PSKH2: variants seen among roughly 807,000 people sequenced by gnomAD.
PSKH2 encodes the protein protein serine kinase H2.
In PSKH2, 16 loss-of-function variants were observed where a neutral mutation model predicts 22.5. That is an observed-to-expected ratio of 0.71 (90% CI 0.48 to 1.08). The LOEUF (loss-of-function observed/expected upper bound fraction) is 1.08. Ranked by LOEUF, PSKH2 falls within the 50% of genes least tolerant of loss-of-function variation. PSKH2 has a pLI of 0.00. For missense variants in PSKH2, 516 were observed against 492.8 expected, an observed-to-expected ratio of 1.05 and a Z score of -0.44; for synonymous variants, 188 against 184.8, an observed-to-expected ratio of 1.02 and a Z score of -0.14.
At chr8:86,064,663 C>T in intron 1 of PSKH2, 32 bp from the exon 2 acceptor site, 1 of 1,537,896 alleles carries the variant, frequency 6.5e-7, no homozygotes, top group Non-Finnish European at 8.8e-7. Context: ...CATGTTATCC[C>T]CAGAAGTGAT....
chr8:86,064,536 A>G lies in PSKH2; in HGVS notation c.281T>C (p.Met94Thr), dbSNP rs1586065746. 21 of 1,613,648 alleles carry G rather than the reference A, an allele frequency of 1.3e-5. No individual in the cohort carries two copies. Among genetic ancestry groups the G allele is most frequent in the Non-Finnish European group, 1.8e-5 (21 of 1,179,910 alleles). The change falls in exon 2 of 3, where the codon ATG (methionine) becomes ACG (threonine). Residue 94 changes from methionine (M) to threonine (T), a missense_variant. By Grantham distance (81) the Met-to-Thr change is moderately conservative (BLOSUM62 -1). Transcript: ENST00000276616. ...TTKKPFAIKV[M>T]ETREREGREA... ...TCTACCTTCCCTCTCTCTGGTTTCC[A>G]TCACTTTTATTGCAAAAGGTTTCTT...
chr8:86,067,757 T>C (rs891163833), intron 1 of PSKH2, among the ~76,000 whole-genome samples: 1 of 152,222 alleles, frequency 6.6e-6, no homozygotes, highest in Non-Finnish European at 1.5e-5. Context: ...TACTCATATC[T>C]AAATTCTATC....
At chr8:86,064,880 G>A (rs1817836988) in intron 1 of PSKH2, among the ~76,000 whole-genome samples, 1 of 152,056 alleles carries the variant, frequency 6.6e-6, no homozygotes, top group East Asian at 1.9e-4. Context: ...TTATTATACA[G>A]TTATTATATG....
intron 2 of PSKH2, among the ~76,000 whole-genome samples, chr8:86,054,906 T>A (rs942718012): frequency 6.6e-6 from 1 of 152,100 alleles, no homozygotes; most frequent in Non-Finnish European, 1.5e-5. Context: ...CACCTACTAT[T>A]TTTCAAAGCA....
chr8:86,052,563 G>A (rs938717241), intron 2 of PSKH2, among the ~76,000 whole-genome samples: 1 of 152,186 alleles, frequency 6.6e-6, no homozygotes, highest in Non-Finnish European at 1.5e-5. Context: ...TGTAAATATT[G>A]TTGCTGTTGT....
At chr8:86,053,467 C>T (rs76151540) in intron 2 of PSKH2, among the ~76,000 whole-genome samples, 1 of 152,082 alleles carries the variant, frequency 6.6e-6, no homozygotes, top group Non-Finnish European at 1.5e-5. Flanking sequence ...TATAGACCCC[C>T]TATCTCCCCT....
intron 2 of PSKH2, among the ~76,000 whole-genome samples, chr8:86,050,458 T>G (rs1034609991): frequency 1.3e-5 from 2 of 152,216 alleles, no homozygotes; most frequent in African/African-American, 2.4e-5. Context: ...ATGTTATTTA[T>G]GTAAACCAGT....
intron 2 of PSKH2, among the ~76,000 whole-genome samples, chr8:86,050,063 C>G (rs1333503430): frequency 2.6e-5 from 4 of 152,174 alleles, no homozygotes. Context: ...TAAGTAGTTC[C>G]TATTTCAGGG....
In PSKH2 at chr8:86,049,713, A is replaced by AC. The variant is rs1328610485; in HGVS notation, c.853-947_853-946insG. On this transcript the variant is annotated intron_variant, in intron 2 of 2. Coordinates refer to ENST00000276616, the MANE Select transcript of PSKH2 (RefSeq NM_033126.3). ...AAGAAAGAAAGAAAGAAAGAAAGAA[A>AC]GAAAGAAAGAAAGAAAGAAAGAAAG... Among the ~76,000 whole-genome samples the AC allele has an allele frequency of 1.6e-4, 11 of 66,962 alleles. 1 individual carries two copies. In the South Asian group the frequency reaches 9.2e-3, roughly 56 times the overall value. The allele number at this position is 66,962 out of a possible 152,430, so 43.9% of individuals were successfully genotyped here.
At chr8:86,050,326 C>T (rs1321794739) in intron 2 of PSKH2, among the ~76,000 whole-genome samples, 1 of 152,140 alleles carries the variant, frequency 6.6e-6, no homozygotes, top group Non-Finnish European at 1.5e-5. Flanking sequence ...TAAATAATTA[C>T]CTCTTGAAGC....
intron 2 of PSKH2, among the ~76,000 whole-genome samples, chr8:86,054,885 A>C (rs1292711685): frequency 6.6e-6 from 1 of 152,172 alleles, no homozygotes; most frequent in Non-Finnish European, 1.5e-5. Flanking sequence ...GTACAGTTGA[A>C]GTTTTTTGAG....
chr8:86,050,621 G>T (rs185370225), intron 2 of PSKH2, among the ~76,000 whole-genome samples: 126 of 152,236 alleles, frequency 8.3e-4, no homozygotes, highest in African/African-American at 2.8e-3. Context: ...CATCCTGTAG[G>T]TTGACTCTAC....
chr8:86,064,570 T>C lies in PSKH2; in HGVS notation c.247A>G (p.Lys83Glu). 1 of 1,614,060 alleles carries C rather than the reference T, an allele frequency of 6.2e-7. No homozygotes were observed. Among genetic ancestry groups the C allele is most frequent in the Non-Finnish European group, 8.5e-7 (1 of 1,180,008 alleles). Residue 83 changes from lysine to glutamate, a missense_variant, in exon 2 of 3, where the codon AAG becomes GAG. Lys to Glu is a moderately conservative substitution (Grantham distance 56). Transcript: ENST00000276616. ...ATTGCAAAAGGTTTCTTGGTGGTCT[T>C]CTGCTCTACCCTGACAACCCTGCTG... ...SFSRVVRVEQKTTKKPFAIKV... is the reference protein window; with the variant it reads ...SFSRVVRVEQETTKKPFAIKV...
intron 2 of PSKH2, among the ~76,000 whole-genome samples, chr8:86,057,314 A>ACACACACACAC: frequency 1.2e-5 from 1 of 81,300 alleles, no homozygotes; most frequent in South Asian, 4.9e-4. Flanking sequence ...ACATACACAC[A>ACACACACACAC]AATGCATGCA....
chr8:86,069,829 A>C, upstream of PSKH2: 1 of 540,936 alleles, frequency 1.8e-6, no homozygotes, highest in South Asian at 3.5e-5. Context: ...CTGTGTGTGT[A>C]ATCTGACGTG....
chr8:86,051,340 G>A (rs547820575), intron 2 of PSKH2, among the ~76,000 whole-genome samples: 50 of 152,118 alleles, frequency 3.3e-4, no homozygotes, highest in Middle Eastern at 3.4e-3. Context: ...CGCCTGCCTC[G>A]GCCGCCCAAA....
Position 86,052,067 on chromosome 8 carries a change from C to T in PSKH2, c.853-3300G>A, listed in dbSNP as rs541402179. Reference sequence around the variant, plus strand: ...TATAAAATAGACTAATATACATACACGTACATATCTATTAATGAATAAAAA... The same window carrying T: ...TATAAAATAGACTAATATACATACATGTACATATCTATTAATGAATAAAAA... On this transcript the variant is annotated intron_variant, in intron 2 of 2. Transcript: ENST00000276616. Among the ~76,000 whole-genome samples, 230 of 152,148 alleles carry T rather than the reference C, an allele frequency of 1.5e-3. 1 individual carries two copies. The highest frequency in any genetic ancestry group is 5.2e-3 in the African/African-American group (214 of 41,500).
chr8:86,068,554 A>C (rs1259173128), intron 1 of PSKH2, among the ~76,000 whole-genome samples: 2 of 152,216 alleles, frequency 1.3e-5, no homozygotes, highest in African/African-American at 4.8e-5. Flanking sequence ...TGCTCACAAC[A>C]GTCTTATGAG....
intron 2 of PSKH2, among the ~76,000 whole-genome samples, chr8:86,061,931 T>C (rs1272671238): frequency 6.6e-6 from 1 of 152,198 alleles, no homozygotes; most frequent in East Asian, 1.9e-4. Context: ...TGGTTTGTTA[T>C]GCAGTGGTAG....
Sources: allele counts gnomAD v4.1 joint callset (sites outside exome capture counted in the v4.1 genomes callset), GRCh38; gene constraint gnomAD v4.1.1; transcripts MANE v1.5; gene names NCBI Gene and HGNC (gene_info 2026-07-23, HGNC 2026-07-21).